The following CPS1 variants were observed in gnomAD, a reference collection of about 807,000 sequenced individuals.
The protein encoded by CPS1 is carbamoyl-phosphate synthase 1, also known as carbamoyl-phosphate synthase [ammonia], mitochondrial.
A neutral mutation model predicts 174.6 loss-of-function variants in CPS1; 109 were observed. That is an observed-to-expected ratio of 0.62 (90% CI 0.53 to 0.73). The LOEUF is 0.73. CPS1 is among the 30% of genes least tolerant of loss of function. The probability of loss-of-function intolerance (pLI) is 0.00; values close to 1 mark genes in which losing one functional copy is unlikely to be tolerated. For synonymous variants in CPS1, 637 were observed against 632.0 expected, an observed-to-expected ratio of 1.01 and a Z score of -0.12; for missense variants, 1,689 against 1,821.9, an observed-to-expected ratio of 0.93 and a Z score of 1.33.
rs561819228 is a variant in CPS1, at chr2:210,630,048, G to C, written c.2688-7654G>C. 3.3e-5 allele frequency among the ~76,000 whole-genome samples: 5 copies of C among 151,250 alleles called. No homozygotes were observed. In the South Asian group the frequency reaches 1.0e-3, roughly 32 times the overall value. The stretch of plus-strand genomic sequence containing the variant: ...AGATCCTGCCACTGCACTCCAGCCT[G>C]GGAGAGAGAGCGAGACTATGTCTCA... On this transcript the variant is annotated intron_variant, in intron 21 of 37. Coordinates refer to ENST00000233072, the MANE Select transcript of CPS1 (RefSeq NM_001875.5).
chr2:210,522,885 A>G (rs1695866029), intron 1 of CPS1, among the ~76,000 whole-genome samples: 1 of 152,028 alleles, frequency 6.6e-6, no homozygotes, highest in Non-Finnish European at 1.5e-5. Context: ...TGATTGTGAA[A>G]AATGTTCTGA....
Position 210,593,274 on chromosome 2 carries a change from C to T in CPS1, c.1164+318C>T, listed in dbSNP as rs16844644. On this transcript the variant is annotated intron_variant, in intron 11 of 37. Coordinates refer to ENST00000233072, the MANE Select transcript of CPS1 (RefSeq NM_001875.5). ...CTATGCAAATGAATTCCCTTTTGCT[C>T]TCTCTCGTTCTCATGACTGAAATGA... The T allele has an allele frequency of 7.8e-6, 7 of 892,862 alleles. No individual in the cohort carries two copies. The Admixed American group carries it at 2.4e-4, about 31-fold the overall frequency. The allele number at this position is 892,862 out of a possible 1,614,324, so 55.3% of individuals were successfully genotyped here.
chr2:210,519,155 T>G (rs1163101203), intron 1 of CPS1, among the ~76,000 whole-genome samples: 2 of 152,014 alleles, frequency 1.3e-5, no homozygotes, highest in African/African-American at 4.8e-5. Context: ...CTGTCCCATC[T>G]TTACACATTA....
intron 27 of CPS1, among the ~76,000 whole-genome samples, chr2:210,649,694 AT>A (rs927555941): frequency 1.3e-5 from 2 of 152,024 alleles, no homozygotes; most frequent in African/African-American, 2.4e-5. Flanking sequence ...GCAAAGTAAT[AT>A]TTTTCTTATT....
intron 1 of CPS1, among the ~76,000 whole-genome samples, chr2:210,568,546 C>A (rs887457622): frequency 6.6e-6 from 1 of 151,868 alleles, no homozygotes; most frequent in African/African-American, 2.4e-5. Flanking sequence ...CAATAGGTAA[C>A]TATTTATTAG....
intron 28 of CPS1, among the ~76,000 whole-genome samples, chr2:210,652,610 C>T (rs1312458230): frequency 6.6e-6 from 1 of 152,032 alleles, no homozygotes; most frequent in Non-Finnish European, 1.5e-5. Context: ...ATAGGGAACA[C>T]TGAGGAAGGA....
upstream of CPS1, among the ~76,000 whole-genome samples, chr2:210,551,605 G>T (rs1239239113): frequency 1.3e-5 from 2 of 151,702 alleles, no homozygotes; most frequent in Non-Finnish European, 2.9e-5. Flanking sequence ...AATCACATGT[G>T]CCCTGAGCTT....
intron 7 of CPS1, 21 bp from the exon 8 acceptor site, chr2:210,590,085 A>G (rs748877157): frequency 3.7e-6 from 6 of 1,612,490 alleles, no homozygotes; most frequent in Non-Finnish European, 5.1e-6. Context: ...TAAATTCATC[A>G]TTCTTGTGTC....
Position 210,605,198 on chromosome 2 carries a change from G to A in CPS1, c.1933G>A (p.Val645Ile). 6.2e-7 allele frequency: 1 copy of A among 1,612,230 alleles called. No individual in the cohort carries two copies. Among genetic ancestry groups the A allele is most frequent in the Non-Finnish European group, 8.5e-7 (1 of 1,178,820 alleles). Reference protein sequence around the residue: ...EVVRDADDNCVTVCNMENVDA... With the variant: ...EVVRDADDNCITVCNMENVDA... ...GGTTCGAGATGCTGATGACAATTGT[G>A]TCACTGTCTGTAACATGGAAAATGT... Residue 645 changes from valine to isoleucine, a missense_variant, in exon 17 of 38, where the codon GTC becomes ATC. Physicochemically the swap from Val to Ile is conservative, Grantham distance 29. Transcript: ENST00000233072.
rs757843692 is a variant in CPS1 at position 210,612,228 on chromosome 2, T to G, written c.2503T>G (p.Ser835Ala). The G allele has an allele frequency of 6.2e-7, 1 of 1,612,256 alleles. No individual in the cohort carries two copies. The highest frequency in any genetic ancestry group is 1.1e-5 in the South Asian group (1 of 91,060). Reference protein sequence around the residue: ...PRLPMNKEWPSNLDLRKELSE... With the variant: ...PRLPMNKEWPANLDLRKELSE... ...TCTCCCAATGAACAAAGAATGGCCATCTAATTTAGATCTTAGAAAAGAGTT... is the reference window on the plus strand; with the variant it reads ...TCTCCCAATGAACAAAGAATGGCCAGCTAATTTAGATCTTAGAAAAGAGTT... Residue 835 changes from serine to alanine, a missense_variant, in exon 20 of 38, where the codon TCT becomes GCT. Coordinates refer to ENST00000233072, the MANE Select transcript of CPS1 (RefSeq NM_001875.5).
At chr2:210,548,180 C>G (rs1382227157) in intron 1 of CPS1, among the ~76,000 whole-genome samples, 1 of 151,848 alleles carries the variant, frequency 6.6e-6, no homozygotes, top group Non-Finnish European at 1.5e-5. Flanking sequence ...AATACTTTTT[C>G]TATTGTGTAC....
intron 32 of CPS1, among the ~76,000 whole-genome samples, chr2:210,662,167 C>T (rs972425471): frequency 6.6e-5 from 10 of 152,210 alleles, no homozygotes; most frequent in African/African-American, 9.6e-5. Flanking sequence ...CCACCTGCCT[C>T]GGCCTCCCAA....
At position 210,577,473 on chromosome 2, in the gene CPS1, C is replaced by T; in HGVS notation, c.434C>T (p.Ala145Val). The T allele has an allele frequency of 6.2e-7, 1 of 1,613,804 alleles. No homozygotes were observed. The highest frequency in any genetic ancestry group is 8.5e-7 in the Non-Finnish European group (1 of 1,179,844). Residue 145 changes from alanine to valine, a missense_variant, in exon 4 of 38, where the codon GCT becomes GTT. Transcript: ENST00000233072. ...AGTAAAGACTACAACCACTGGCTGG[C>T]TACCAAGAGTTTAGGGCAATGGCTA... ...DYSKDYNHWL[A>V]TKSLGQWLQE...
At chr2:210,478,618 G>A (rs1389198198) in intron 1 of CPS1, among the ~76,000 whole-genome samples, 2 of 151,930 alleles carry the variant, frequency 1.3e-5, no homozygotes, top group East Asian at 1.9e-4. Context: ...CTTTCATTTC[G>A]ATGAAGTTAA....
intron 1 of CPS1, among the ~76,000 whole-genome samples, chr2:210,528,250 CAG>C (rs1159675785): frequency 6.6e-6 from 1 of 151,794 alleles, no homozygotes; most frequent in African/African-American, 2.4e-5. Flanking sequence ...CCGCAGAAAA[CAG>C]AAACTTTTTT....
At chr2:210,607,577 T>G (rs1698962360) in intron 18 of CPS1, among the ~76,000 whole-genome samples, 2 of 151,906 alleles carry the variant, frequency 1.3e-5, no homozygotes, top group Non-Finnish European at 2.9e-5. Context: ...TTTATATTTT[T>G]TTTACGTAGT....
intron 21 of CPS1, among the ~76,000 whole-genome samples, chr2:210,630,323 C>T (rs2105886620): frequency 6.6e-6 from 1 of 152,134 alleles, no homozygotes; most frequent in East Asian, 1.9e-4. Context: ...ACAGGAAATT[C>T]AGAAAATTAA....
At position 210,677,982 on chromosome 2, in the gene CPS1, A is replaced by T; in HGVS notation, c.4500A>T (p.Ala1500=). 1 of 1,610,324 alleles carries T rather than the reference A, an allele frequency of 6.2e-7. No homozygotes were observed. Among genetic ancestry groups the T allele is most frequent in the Non-Finnish European group, 8.5e-7 (1 of 1,176,480 alleles). Residue 1500 remains alanine, a synonymous_variant, in exon 38 of 38, where the codon GCA becomes GCT. Transcript: ENST00000233072. ...GGCAGTACAGTGCTGGAAAAGCAGC[A>T]TAGAGATGCAGACACCCCAGCCCCA... ...HYRQYSAGKA[A] is the part of the protein sequence containing the mutation.
chr2:210,604,522 G>A (rs1011732468), intron 16 of CPS1, among the ~76,000 whole-genome samples: 1 of 151,950 alleles, frequency 6.6e-6, no homozygotes, highest in Admixed American at 6.6e-5. Context: ...ATGACTCAGA[G>A]TATTTAAGCA....
Sources: gnomAD v4.1 joint callset for allele counts (sites outside exome capture counted in the v4.1 genomes callset) on GRCh38, gnomAD v4.1.1 for gene constraint, MANE v1.5 for transcripts, NCBI Gene and HGNC (gene_info 2026-07-23, HGNC 2026-07-21) for gene names.